CAMK2B: variants seen among roughly 807,000 people sequenced by gnomAD.
CAMK2B encodes calcium/calmodulin dependent protein kinase II beta.
Under a neutral mutation model 93.7 loss-of-function variants are expected in CAMK2B, and 27 were observed. The ratio of observed to expected loss-of-function variants is 0.29; its 90% CI spans 0.21 to 0.40. The LOEUF is 0.40. Among genes scored for constraint, CAMK2B ranks in the 10% least tolerant of loss-of-function variants. CAMK2B has a pLI of 1.00. For synonymous variants in CAMK2B, 374 were observed against 358.8 expected, an observed-to-expected ratio of 1.04 and a Z score of -0.48; for missense variants, 568 against 895.8, an observed-to-expected ratio of 0.63 and a Z score of 4.67.
At chr7:44,229,320 G>T in intron 18 of CAMK2B, 68 bp downstream of exon 18, 1 of 1,053,188 alleles carries the variant, frequency 9.5e-7, no homozygotes, top group Non-Finnish European at 1.4e-6. Context: ...CGGCTCTGGA[G>T]TGGCCCCTCT....
chr7:44,325,563 G>C lies in CAMK2B; in HGVS notation c.-142C>G, dbSNP rs1797342409. On this transcript the variant is annotated 5_prime_UTR_variant, in exon 1 of 24. Transcript: ENST00000395749. ...CGGCGCCAGGCGGGGGCCGGGCTGG[G>C]CTGCGCCGGGCGGCGAGCGCACGCG... 3.6e-6 allele frequency: 1 copy of C among 275,074 alleles called. No individual in the cohort carries two copies. Among genetic ancestry groups the C allele is most frequent in the African/African-American group, 2.3e-5 (1 of 43,128 alleles). 17.0% of individuals were successfully genotyped at this position (275,074 alleles called of 1,614,324 possible).
chr7:44,288,613 GC>G (rs1410680205), intron 1 of CAMK2B, among the ~76,000 whole-genome samples: 1 of 152,204 alleles, frequency 6.6e-6, no homozygotes, highest in Non-Finnish European at 1.5e-5. Context: ...ATATTATGGG[GC>G]TTTTAAAATC....
intron 2 of CAMK2B, among the ~76,000 whole-genome samples, chr7:44,280,825 C>T (rs1476569601): frequency 6.6e-6 from 1 of 152,146 alleles, no homozygotes; most frequent in Non-Finnish European, 1.5e-5. Flanking sequence ...ACAGCGGCAG[C>T]GCAACTCCAC....
chr7:44,323,075 C>T (rs1022097848), intron 1 of CAMK2B, among the ~76,000 whole-genome samples: 2 of 152,246 alleles, frequency 1.3e-5, no homozygotes, highest in African/African-American at 4.8e-5. Context: ...TCTGCCCTCC[C>T]AGCTCCCTGG....
chr7:44,303,003 C>T (rs916753542), intron 1 of CAMK2B, among the ~76,000 whole-genome samples: 5 of 151,996 alleles, frequency 3.3e-5, no homozygotes, highest in African/African-American at 4.8e-5. Context: ...ATATAGAAAA[C>T]CCCAAAGAAT....
intron 3 of CAMK2B, 149 bp from the exon 4 acceptor site, chr7:44,259,075 A>G (rs1035672965): frequency 2.1e-5 from 15 of 726,992 alleles, no homozygotes; most frequent in Non-Finnish European, 3.6e-5. Flanking sequence ...TGGGCAGGCC[A>G]GAGGGCAGGG....
At chr7:44,220,800 G>GC (rs540923791) in intron 21 of CAMK2B, 26 bp downstream of exon 21, 103,625 of 1,508,804 alleles carry the variant, frequency 0.069, 1,790 homozygotes, top group Middle Eastern at 0.079. Context: ...GTCCTGCACA[G>GC]CCCCCCCCCA....
chr7:44,234,276 A>C (rs1242139119), intron 15 of CAMK2B, 114 bp downstream of exon 15: 2 of 921,642 alleles, frequency 2.2e-6, no homozygotes, highest in Non-Finnish European at 3.2e-6. Flanking sequence ...GAGTGCTGTC[A>C]GACAGGCCAG....
At chr7:44,290,005 C>T (rs1786319093) in intron 1 of CAMK2B, among the ~76,000 whole-genome samples, 1 of 152,240 alleles carries the variant, frequency 6.6e-6, no homozygotes, top group Admixed American at 6.5e-5. Context: ...CTGCCTGCAT[C>T]AGTCCTGAGC....
chr7:44,283,511 T>C (rs889356047), intron 2 of CAMK2B, among the ~76,000 whole-genome samples: 1 of 152,242 alleles, frequency 6.6e-6, no homozygotes, highest in South Asian at 2.1e-4. Context: ...GCACACACCC[T>C]GCACGTCTGA....
At chr7:44,229,048 G>T in intron 18 of CAMK2B, 124 bp from the exon 19 acceptor site, 1 of 927,122 alleles carries the variant, frequency 1.1e-6, no homozygotes, top group Non-Finnish European at 1.7e-6. Flanking sequence ...ATCAGGCCCT[G>T]AATCAGAGCC....
intron 1 of CAMK2B, among the ~76,000 whole-genome samples, chr7:44,309,331 G>A (rs1487239645): frequency 2.0e-5 from 3 of 152,208 alleles, no homozygotes; most frequent in African/African-American, 7.2e-5. Flanking sequence ...GACGGGAGAA[G>A]GGACACAGAC....
At chr7:44,229,699 G>T in intron 17 of CAMK2B, 198 bp from the exon 18 acceptor site, 1 of 473,530 alleles carries the variant, frequency 2.1e-6, no homozygotes, top group South Asian at 4.2e-5. Flanking sequence ...GAAGGCTGAA[G>T]GAGCCAACAC....
intron 13 of CAMK2B, among the ~76,000 whole-genome samples, chr7:44,238,701 T>A (rs1244955876): frequency 6.6e-6 from 1 of 152,238 alleles, no homozygotes; most frequent in Non-Finnish European, 1.5e-5. Context: ...CAGCCCACGT[T>A]GGAGGCACCG....
At chr7:44,263,592 G>A (rs1053711696) in intron 2 of CAMK2B, among the ~76,000 whole-genome samples, 5 of 151,900 alleles carry the variant, frequency 3.3e-5, no homozygotes, top group Non-Finnish European at 4.4e-5. Context: ...TGCCCTGGCC[G>A]CTCTCCTCCC....
At chr7:44,276,169 C>A (rs1392470212) in intron 2 of CAMK2B, among the ~76,000 whole-genome samples, 2 of 151,126 alleles carry the variant, frequency 1.3e-5, no homozygotes, top group Non-Finnish European at 3.0e-5. Flanking sequence ...GGCCCCTGAG[C>A]CGGGGAGGAG....
chr7:44,226,219 A>G (rs1227949354), intron 20 of CAMK2B, among the ~76,000 whole-genome samples: 1 of 151,928 alleles, frequency 6.6e-6, no homozygotes, highest in Admixed American at 6.5e-5. Context: ...TTCCCCTCCC[A>G]TCAGGAGAAA....
At chr7:44,280,905 G>A (rs2097096944) in intron 2 of CAMK2B, among the ~76,000 whole-genome samples, 1 of 152,238 alleles carries the variant, frequency 6.6e-6, no homozygotes, top group African/African-American at 2.4e-5. Flanking sequence ...GCAGGGATGA[G>A]CATAAAACCA....
chr7:44,224,745 G>A lies in CAMK2B; in HGVS notation c.1597+1771C>T, dbSNP rs1050132472. 5.9e-5 allele frequency among the ~76,000 whole-genome samples: 9 copies of A among 152,130 alleles called. No individual in the cohort carries two copies. Among genetic ancestry groups the A allele is most frequent in the Admixed American group, 1.3e-4 (2 of 15,290 alleles). ...GATCAGGCTGGATTGTGTATAATCC[G>A]CGATTAGAGAGCGTGGGTGGGGAGG... On this transcript the variant is annotated intron_variant, in intron 20 of 23. Coordinates refer to ENST00000395749, the MANE Select transcript of CAMK2B (RefSeq NM_001220.5). This position sits in a 1 kb window ranked among gnomAD's most constrained non-coding sequence, Gnocchi z 4.4.
Sources: allele counts gnomAD v4.1 joint callset (sites outside exome capture counted in the v4.1 genomes callset), GRCh38; gene constraint gnomAD v4.1.1; non-coding constraint Gnocchi (gnomAD v3.1); transcripts MANE v1.5; gene names NCBI Gene and HGNC (gene_info 2026-07-23, HGNC 2026-07-21).